The following ABR variants were observed in gnomAD, a reference collection of about 807,000 sequenced individuals.
ABR encodes active breakpoint cluster region-related protein.
In ABR, 35 loss-of-function variants were observed where a neutral mutation model predicts 107.2. The ratio of observed to expected loss-of-function variants is 0.33; its 90% confidence interval spans 0.25 to 0.43. The LOEUF (loss-of-function observed/expected upper bound fraction) is 0.43, where lower values mean the gene tolerates loss of function less well. Among genes scored for constraint, ABR ranks in the 20% least tolerant of loss-of-function variants. The pLI, the probability that ABR is intolerant of heterozygous loss-of-function variation, is 1.00. For synonymous variants in ABR, 498 were observed against 462.0 expected, an observed-to-expected ratio of 1.08 and a Z score of -1.00; for missense variants, 815 against 1,115.2, an observed-to-expected ratio of 0.73 and a Z score of 3.83.
At chr17:1,048,279 G>C (rs1034044928) in intron 16 of ABR, among the ~76,000 whole-genome samples, 3 of 152,248 alleles carry the variant, frequency 2.0e-5, no homozygotes, top group African/African-American at 7.2e-5. Flanking sequence ...GACGTGTTTA[G>C]GAACACGGGG....
At chr17:1,220,722 G>GA (rs2043105207) in intron 1 of ABR, among the ~76,000 whole-genome samples, 1 of 152,102 alleles carries the variant, frequency 6.6e-6, no homozygotes, top group African/African-American at 2.4e-5. Context: ...AGCTAAAAAC[G>GA]AACCTTACAC....
chr17:1,048,222 T>G (rs1301837228), intron 16 of ABR, among the ~76,000 whole-genome samples: 1 of 152,206 alleles, frequency 6.6e-6, no homozygotes, highest in African/African-American at 2.4e-5. Context: ...GTCTCCCTAG[T>G]GACGAGTACT....
chr17:1,195,794 A>T, intron 1 of ABR, among the ~76,000 whole-genome samples: 1 of 118,956 alleles, frequency 8.4e-6, no homozygotes, highest in East Asian at 2.6e-4. Context: ...ACAGAGCGAG[A>T]CTCTGTCTCA....
chr17:1,226,731 G>A lies in ABR; in HGVS notation c.838+2062C>T, dbSNP rs149147657. Among the ~76,000 whole-genome samples, 13 of 145,052 alleles carry A rather than the reference G, an allele frequency of 9.0e-5. No homozygotes were observed. The East Asian group carries it at 2.2e-3, about 24-fold the overall frequency. ...TGTGCATGCATGTATGTGGCAGTGT[G>A]TCACGTATATACATGTGCTGCTGTG... On this transcript the variant is annotated intron_variant, in intron 1 of 22. Coordinates refer to the ABR transcript ENST00000574139.
At chr17:1,136,915 T>G (rs1261363887) in intron 1 of ABR, among the ~76,000 whole-genome samples, 1 of 152,230 alleles carries the variant, frequency 6.6e-6, no homozygotes, top group Non-Finnish European at 1.5e-5. Context: ...ACTTTTCCTG[T>G]GTGTTCACAA....
intron 16 of ABR, among the ~76,000 whole-genome samples, chr17:1,017,051 C>G (rs1335009046): frequency 6.6e-6 from 1 of 151,950 alleles, no homozygotes; most frequent in Non-Finnish European, 1.5e-5. Context: ...TTCGCCCTGC[C>G]CAGAGAAGGG....
intron 1 of ABR, among the ~76,000 whole-genome samples, chr17:1,175,043 A>G (rs2041869682): frequency 6.6e-6 from 1 of 152,174 alleles, no homozygotes; most frequent in Non-Finnish European, 1.5e-5. Context: ...ATAAAAAAAT[A>G]AAATAAAAAA....
chr17:1,118,374 G>A (rs1389545198), intron 2 of ABR, among the ~76,000 whole-genome samples: 1 of 28,154 alleles, frequency 3.6e-5, no homozygotes, highest in South Asian at 1.2e-3. Flanking sequence ...TCCTCCCAGC[G>A]TTATCCCTGA....
intron 2 of ABR, among the ~76,000 whole-genome samples, chr17:1,121,122 G>C (rs61407298): frequency 0.044 from 6,722 of 152,304 alleles, 446 homozygotes; most frequent in African/African-American, 0.14. Flanking sequence ...ACTTGGGCAG[G>C]GTTTATGGGG....
Position 1,092,017 on chromosome 17 carries a change from C to G in ABR, c.346-167G>C, listed in dbSNP as rs1041409606. Among the ~76,000 whole-genome samples, 1 of 152,148 alleles carries G rather than the reference C, an allele frequency of 6.6e-6. No homozygotes were observed. Among genetic ancestry groups the G allele is most frequent in the African/African-American group, 2.4e-5 (1 of 41,432 alleles). On this transcript the variant is annotated intron_variant, in intron 3 of 22. Coordinates refer to ENST00000302538, the MANE Select transcript of ABR (RefSeq NM_021962.5). The surrounding 1 kb of genome is among the most constrained non-coding windows in gnomAD (Gnocchi z 4.6). ...GCTTTGTATCAAGGAGCCACTGCCA[C>G]AGGCCCCAACAAGCCGCACACTCGA...
Position 1,170,375 on chromosome 17 carries a change from C to G in ABR, c.61+9292G>C, listed in dbSNP as rs72814100. 7.9e-3 allele frequency among the ~76,000 whole-genome samples: 1,203 copies of G among 152,282 alleles called. 5 individuals carry two copies. Among genetic ancestry groups the G allele is most frequent in the Non-Finnish European group, 0.012 (847 of 68,024 alleles). On this transcript the variant is annotated intron_variant, in intron 1 of 22. Coordinates refer to ENST00000302538, the MANE Select transcript of ABR (RefSeq NM_021962.5). ...GAACACAGTTTACAGCAGGGCCAAC[C>G]GAGCGCACAGTCCCTGGCTTGTAGT... is the stretch of plus-strand genomic sequence containing the variant.
chr17:1,082,669 A>G (rs2036325123), intron 5 of ABR, among the ~76,000 whole-genome samples: 1 of 152,224 alleles, frequency 6.6e-6, no homozygotes, highest in South Asian at 2.1e-4. Context: ...GACGACCTAT[A>G]GTCCAAATTT....
intron 1 of ABR, among the ~76,000 whole-genome samples, chr17:1,160,282 C>CCACACACA (rs112524650): frequency 2.7e-5 from 4 of 148,694 alleles, no homozygotes; most frequent in African/African-American, 9.9e-5. Flanking sequence ...CAAAAAAAAA[C>CCACACACA]CACACACACA....
intron 14 of ABR, chr17:1,055,806 G>C (rs2261310): frequency 0.92 from 471,267 of 509,554 alleles, 218,272 homozygotes; most frequent in African/African-American, 0.98. Context: ...GGATTACAGG[G>C]GTGAGCCACC....
Position 1,073,950 on chromosome 17 carries a change from GC to G in ABR, c.701-274del, listed in dbSNP as rs568375590. Among the ~76,000 whole-genome samples, 307 of 95,708 alleles carry G rather than the reference GC, an allele frequency of 3.2e-3. 3 individuals are homozygous for G. The highest frequency in any genetic ancestry group is 9.3e-3 in the African/African-American group (223 of 24,018). The allele number at this position is 95,708 out of a possible 152,430, so 62.8% of individuals were successfully genotyped here. On this transcript the variant is annotated intron_variant, in intron 6 of 22. Coordinates refer to ENST00000302538, the MANE Select transcript of ABR (RefSeq NM_021962.5). ...ACATGGCTTCATCGAGAGCCGCCCCGCCCCCCTCCCCAGGCCTGTCCTGGCC... is the reference window on the plus strand; with the variant it reads ...ACATGGCTTCATCGAGAGCCGCCCCGCCCCCTCCCCAGGCCTGTCCTGGCC...
rs982609061 is a variant in ABR, at chr17:1,037,649, G to T, written c.1791+12401C>A. On this transcript the variant is annotated intron_variant, in intron 16 of 22. Coordinates refer to ENST00000302538, the MANE Select transcript of ABR (RefSeq NM_021962.5). This position sits in a 1 kb window ranked among gnomAD's most constrained non-coding sequence, Gnocchi z 4.6. ...CCTACCGCTGGAGCCCCCCTGGGCT[G>T]CTTGCCTGCTCCTCCTCCCGGGAAG... Among the ~76,000 whole-genome samples the T allele has an allele frequency of 2.0e-5, 3 of 152,202 alleles. No individual in the cohort carries two copies. Among genetic ancestry groups the T allele is most frequent in the East Asian group, 1.9e-4 (1 of 5,196 alleles).
intron 1 of ABR, among the ~76,000 whole-genome samples, chr17:1,136,686 C>A (rs927893305): frequency 6.6e-6 from 1 of 152,214 alleles, no homozygotes; most frequent in African/African-American, 2.4e-5. Flanking sequence ...CAAATCTCTG[C>A]CAGCTTCAAA....
intron 11 of ABR, among the ~76,000 whole-genome samples, chr17:1,058,325 A>T (rs2033576201): frequency 6.6e-6 from 1 of 152,054 alleles, no homozygotes. Context: ...TTTTTAGTAG[A>T]GACAGAGTTT....
intron 1 of ABR, among the ~76,000 whole-genome samples, chr17:1,226,611 C>T (rs574302984): frequency 1.7e-4 from 26 of 148,576 alleles, no homozygotes; most frequent in African/African-American, 6.2e-4. Flanking sequence ...TGTACATATG[C>T]AGGTGTGTGT....
Sources: gnomAD v4.1 joint callset for allele counts (sites outside exome capture counted in the v4.1 genomes callset) on GRCh38, gnomAD v4.1.1 for gene constraint, Gnocchi (gnomAD v3.1) non-coding constraint, MANE v1.5 for transcripts, NCBI Gene and HGNC (gene_info 2026-07-23, HGNC 2026-07-21) for gene names.